The following CACNA1C variants were observed in gnomAD, a reference collection of about 807,000 sequenced individuals.
CACNA1C encodes calcium voltage-gated channel subunit alpha1 C, also known as voltage-dependent L-type calcium channel subunit alpha-1C.
A neutral mutation model predicts 229.0 loss-of-function variants in CACNA1C; 30 were observed. The observed-to-expected ratio is 0.13, with a 90% CI of 0.10 to 0.18. The LOEUF (loss-of-function observed/expected upper bound fraction) is 0.18, where lower values mean the gene tolerates loss of function less well. Ranked by LOEUF, CACNA1C falls within the 10% of genes least tolerant of loss-of-function variation. CACNA1C has a pLI of 1.00. For synonymous variants in CACNA1C, 1,114 were observed against 1,132.5 expected (o/e 0.98, Z 0.33); for missense variants, 1,658 against 2,845.0 (o/e 0.58, Z 9.49).
chr12:2,483,704 A>G (rs1312659849), intron 5 of CACNA1C, among the ~76,000 whole-genome samples: 1 of 152,110 alleles, frequency 6.6e-6, no homozygotes, highest in Non-Finnish European at 1.5e-5. Context: ...TGCTCAGGTG[A>G]GTGGCGTGAC....
chr12:2,500,014 ACCAGAGCCAGGCAGG>A (rs1351705566), intron 7 of CACNA1C, among the ~76,000 whole-genome samples: 3 of 149,704 alleles, frequency 2.0e-5, no homozygotes, highest in Non-Finnish European at 4.5e-5. Flanking sequence ...TTCCTTTCAG[ACCAGAGCCAGGCAGG>A]CCAGAGAATC....
At chr12:2,446,334 G>A (rs909808310) in intron 3 of CACNA1C, among the ~76,000 whole-genome samples, 2 of 148,304 alleles carry the variant, frequency 1.3e-5, no homozygotes, top group Non-Finnish European at 3.0e-5. Flanking sequence ...TGGATGGTGG[G>A]TGGGTATATA....
At chr12:2,449,185 A>G in intron 4 of CACNA1C, 70 bp downstream of exon 4, 1 of 1,234,210 alleles carries the variant, frequency 8.1e-7, no homozygotes, top group Non-Finnish European at 1.1e-6. Context: ...AAGTCAGCTG[A>G]AGACAGGGTC....
chr12:2,674,487 G>A, intron 38 of CACNA1C, 54 bp from the exon 39 acceptor site: 1 of 1,536,268 alleles, frequency 6.5e-7, no homozygotes, highest in Non-Finnish European at 8.8e-7. Flanking sequence ...TACGCAGAGG[G>A]ACCCAGCCCA....
chr12:2,130,323 T>C (rs1440943281), intron 3 of CACNA1C, among the ~76,000 whole-genome samples: 1 of 151,316 alleles, frequency 6.6e-6, no homozygotes, highest in African/African-American at 2.4e-5. Flanking sequence ...TTTATTATAC[T>C]TTAGGTTTTA....
At chr12:2,202,701 G>A (rs570562180) in intron 3 of CACNA1C, among the ~76,000 whole-genome samples, 1 of 152,210 alleles carries the variant, frequency 6.6e-6, no homozygotes, top group South Asian at 2.1e-4. Context: ...GCTTCACGTG[G>A]GAAGGAGTGT....
chr12:2,457,423 A>G, intron 4 of CACNA1C, 144 bp from the exon 5 acceptor site: 3 of 733,434 alleles, frequency 4.1e-6, no homozygotes, highest in Non-Finnish European at 6.4e-6. Flanking sequence ...CCACCCACAG[A>G]CTCCACGCAC....
chr12:2,020,684 T>TGGGA, intron 1 of CACNA1C, among the ~76,000 whole-genome samples: 1 of 152,070 alleles, frequency 6.6e-6, no homozygotes. Flanking sequence ...TGGAGGGCCA[T>TGGGA]GGGAGGAATA....
rs373755850 is a variant in CACNA1C, at chr12:2,362,741, T to C, written c.478-86235T>C. ...CTCAGATCAGGCCTACAGCCCTCTC[T>C]CTCCTGTGGCTGCAGACTGTAATGA... On this transcript the variant is annotated intron_variant, in intron 3 of 46. Coordinates refer to ENST00000399655, the MANE Select transcript of CACNA1C (RefSeq NM_000719.7). Among the ~76,000 whole-genome samples, 425 of 152,212 alleles carry C rather than the reference T, an allele frequency of 2.8e-3. 2 individuals are homozygous for C. The highest frequency in any genetic ancestry group is 0.014 in the Middle Eastern group (4 of 294).
At chr12:2,056,823 T>G (rs1263677242) in intron 1 of CACNA1C, among the ~76,000 whole-genome samples, 1 of 152,212 alleles carries the variant, frequency 6.6e-6, no homozygotes, top group African/African-American at 2.4e-5. Flanking sequence ...TGACAATATA[T>G]TAAAAAGAGT....
At chr12:2,547,665 G>C (rs1440498937) in intron 9 of CACNA1C, 1 of 637,858 alleles carries the variant, frequency 1.6e-6, no homozygotes, top group Non-Finnish European at 2.9e-6. Context: ...TTGTGTGTGT[G>C]TGTGTGTTTG....
intron 1 of CACNA1C, among the ~76,000 whole-genome samples, chr12:2,088,366 G>A (rs1355006959): frequency 2.0e-5 from 3 of 152,080 alleles, no homozygotes; most frequent in Non-Finnish European, 4.4e-5. Flanking sequence ...CTCAGGCCAG[G>A]GCCCTAACTC....
intron 4 of CACNA1C, among the ~76,000 whole-genome samples, chr12:2,449,833 G>A (rs1159829316): frequency 6.6e-6 from 1 of 152,198 alleles, no homozygotes; most frequent in Non-Finnish European, 1.5e-5. Flanking sequence ...CACATTTGGG[G>A]CAGCTCGTCC....
chr12:2,416,122 C>A (rs1243524353), intron 3 of CACNA1C, among the ~76,000 whole-genome samples: 3 of 152,198 alleles, frequency 2.0e-5, no homozygotes, highest in South Asian at 2.1e-4. Context: ...AGAGAGGCCT[C>A]TCTCAGCCCT....
rs755617225 is a variant in CACNA1C at position 2,678,357 on chromosome 12, C to T, written c.5091+490C>T. On this transcript the variant is annotated intron_variant, in intron 41 of 46. Coordinates refer to ENST00000399655, the MANE Select transcript of CACNA1C (RefSeq NM_000719.7). The surrounding 1 kb of genome is among the most constrained non-coding windows in gnomAD (Gnocchi z 4.1). Reference sequence around the variant, plus strand: ...TTTGAGATGGAGCATAGCGTGTGTTCTCCAGGTCTCCAAGACCCCTCCAGA... The same window carrying T: ...TTTGAGATGGAGCATAGCGTGTGTTTTCCAGGTCTCCAAGACCCCTCCAGA... Among the ~76,000 whole-genome samples the T allele has an allele frequency of 7.2e-5, 11 of 152,186 alleles. No individual in the cohort carries two copies. The highest frequency in any genetic ancestry group is 1.3e-4 in the Admixed American group (2 of 15,284).
At chr12:2,556,038 A>G (rs1407373297) in intron 10 of CACNA1C, among the ~76,000 whole-genome samples, 2 of 151,980 alleles carry the variant, frequency 1.3e-5, no homozygotes, top group African/African-American at 4.8e-5. Flanking sequence ...CACCACCTGC[A>G]CTATCCCCAG....
chr12:2,035,667 C>G (rs981950054), intron 1 of CACNA1C, among the ~76,000 whole-genome samples: 12 of 152,240 alleles, frequency 7.9e-5, no homozygotes, highest in Non-Finnish European at 1.3e-4. Flanking sequence ...ATATGTGCAC[C>G]TGCAGCCAGG....
intron 1 of CACNA1C, among the ~76,000 whole-genome samples, chr12:1,993,967 G>GCAGAT (rs1463278352): frequency 6.6e-6 from 1 of 152,184 alleles, no homozygotes; most frequent in Non-Finnish European, 1.5e-5. Flanking sequence ...AGTGCAAAGG[G>GCAGAT]CAGATACTTT....
intron 1 of CACNA1C, among the ~76,000 whole-genome samples, chr12:2,061,630 C>G (rs913370402): frequency 1.3e-5 from 2 of 151,806 alleles, no homozygotes; most frequent in African/African-American, 4.9e-5. Context: ...ACCTGCCATG[C>G]TGCTGTCCCC....
Sources: gnomAD v4.1 joint callset for allele counts (sites outside exome capture counted in the v4.1 genomes callset) on GRCh38, gnomAD v4.1.1 for gene constraint, Gnocchi (gnomAD v3.1) non-coding constraint, MANE v1.5 for transcripts, NCBI Gene and HGNC (gene_info 2026-07-23, HGNC 2026-07-21) for gene names.